The following PTPN14 variants were observed in gnomAD, a reference collection of about 807,000 sequenced individuals.
PTPN14 encodes protein tyrosine phosphatase non-receptor type 14.
Under a neutral mutation model 126.8 loss-of-function variants are expected in PTPN14, and 53 were observed. The observed-to-expected ratio is 0.42, with a 90% confidence interval of 0.34 to 0.53. The LOEUF is 0.53. Among genes scored for constraint, PTPN14 ranks in the 20% least tolerant of loss-of-function variants. PTPN14 has a pLI of 0.08. For missense variants in PTPN14, 1,257 were observed against 1,552.9 expected (o/e 0.81, Z 3.20); for synonymous variants, 630 against 599.3 (o/e 1.05, Z -0.75).
intron 4 of PTPN14, among the ~76,000 whole-genome samples, 169 bp from the exon 5 acceptor site, chr1:214,411,920 A>T (rs1168229791): frequency 6.6e-6 from 1 of 152,244 alleles, no homozygotes; most frequent in Non-Finnish European, 1.5e-5. Context: ...TTTATCTAAC[A>T]ATATGGTAAA....
At chr1:214,415,890 A>G (rs1265477375) in intron 3 of PTPN14, among the ~76,000 whole-genome samples, 1 of 152,236 alleles carries the variant, frequency 6.6e-6, no homozygotes, top group Non-Finnish European at 1.5e-5. Flanking sequence ...AATCCTTTTT[A>G]GTCAAACCTA....
chr1:214,515,334 A>G (rs532980337), intron 1 of PTPN14, among the ~76,000 whole-genome samples: 39 of 152,222 alleles, frequency 2.6e-4, no homozygotes, highest in African/African-American at 8.2e-4. Context: ...TAATATGTCT[A>G]TCTTCCTGCC....
At chr1:214,403,070 C>T in intron 5 of PTPN14, 117 bp from the exon 6 acceptor site, 1 of 934,698 alleles carries the variant, frequency 1.1e-6, no homozygotes, top group Non-Finnish European at 1.7e-6. Context: ...TCCTCAATAT[C>T]TCCTTTACTG....
At chr1:214,427,446 C>A (rs1444535335) in intron 3 of PTPN14, among the ~76,000 whole-genome samples, 1 of 152,052 alleles carries the variant, frequency 6.6e-6, no homozygotes, top group Admixed American at 6.6e-5. Context: ...ATAGTACTTT[C>A]ATTTAAAAAG....
chr1:214,380,661 T>C (rs1185769700), intron 13 of PTPN14, among the ~76,000 whole-genome samples: 1 of 152,236 alleles, frequency 6.6e-6, no homozygotes, highest in Non-Finnish European at 1.5e-5. Context: ...TTTCTTTTGC[T>C]AAAAGTTTCT....
intron 1 of PTPN14, among the ~76,000 whole-genome samples, chr1:214,512,251 T>C (rs1473531499): frequency 6.6e-6 from 1 of 152,182 alleles, no homozygotes; most frequent in Admixed American, 6.6e-5. Context: ...CAGTCTTAGC[T>C]GCTCACCCTG....
chr1:214,349,651 C>G lies in PTPN14; in HGVS notation c.*8271G>C, dbSNP rs899101005. 2 of 152,052 alleles carry G rather than the reference C, an allele frequency of 1.3e-5. No individual in the cohort carries two copies. Among genetic ancestry groups the G allele is most frequent in the Non-Finnish European group, 2.9e-5 (2 of 68,034 alleles). The allele number at this position is 152,052 out of a possible 1,614,324, so 9.4% of individuals were successfully genotyped here. A position where few individuals can be genotyped will look rare whatever the true frequency, so the allele number is the denominator to read the frequency against. On this transcript the variant is annotated 3_prime_UTR_variant, in exon 19 of 19. Coordinates refer to ENST00000366956, the MANE Select transcript of PTPN14 (RefSeq NM_005401.5). ...AAACCTTTTTTTCCACTGAAGTATC[C>G]TCAAGCACATTAATTAGCTATTGAA...
At chr1:214,449,080 C>T (rs1339400260) in intron 3 of PTPN14, among the ~76,000 whole-genome samples, 2 of 135,084 alleles carry the variant, frequency 1.5e-5, no homozygotes, top group African/African-American at 5.7e-5. Flanking sequence ...TATCCCGGCT[C>T]ACTGCAAGCT....
intron 1 of PTPN14, among the ~76,000 whole-genome samples, chr1:214,467,027 C>T (rs1197545018): frequency 1.3e-5 from 2 of 152,078 alleles, no homozygotes; most frequent in African/African-American, 2.4e-5. Flanking sequence ...TTTATGACGG[C>T]TTAAAATACA....
chr1:214,521,198 C>T (rs997404141), intron 1 of PTPN14, among the ~76,000 whole-genome samples: 3 of 152,158 alleles, frequency 2.0e-5, no homozygotes, highest in Non-Finnish European at 4.4e-5. Context: ...GCATGTTAAT[C>T]GCTTTATAAA....
At chr1:214,540,608 C>T (rs1340878599) in intron 1 of PTPN14, among the ~76,000 whole-genome samples, 2 of 152,118 alleles carry the variant, frequency 1.3e-5, no homozygotes, top group African/African-American at 4.8e-5. Context: ...ACAAGTGGTA[C>T]CACTTCACAG....
chr1:214,392,424 A>T (rs1295537761), intron 10 of PTPN14, among the ~76,000 whole-genome samples: 1 of 152,220 alleles, frequency 6.6e-6, no homozygotes, highest in African/African-American at 2.4e-5. Context: ...TAAATTTTAT[A>T]GTAAAACCAT....
At chr1:214,466,627 A>G (rs1183234761) in intron 1 of PTPN14, among the ~76,000 whole-genome samples, 1 of 152,166 alleles carries the variant, frequency 6.6e-6, no homozygotes, top group African/African-American at 2.4e-5. Context: ...GAAGCCAGAA[A>G]TGTCCAGAAA....
intron 1 of PTPN14, among the ~76,000 whole-genome samples, chr1:214,526,116 C>T (rs1655389369): frequency 6.6e-6 from 1 of 152,050 alleles, no homozygotes. Flanking sequence ...CAGGCGCACA[C>T]CACCACGCCC....
At chr1:214,458,975 A>T (rs1363500660) in intron 2 of PTPN14, among the ~76,000 whole-genome samples, 3 of 46,378 alleles carry the variant, frequency 6.5e-5, no homozygotes, top group Admixed American at 2.3e-4. Context: ...ATATCTCTGG[A>T]ATTGTCTTTG....
chr1:214,532,378 G>T (rs904395907), intron 1 of PTPN14: 9 of 623,844 alleles, frequency 1.4e-5, no homozygotes, highest in Admixed American at 6.9e-5. Flanking sequence ...CTGGCCGCAG[G>T]GATGGCTGGG....
intron 3 of PTPN14, among the ~76,000 whole-genome samples, chr1:214,420,395 C>T (rs186681368): frequency 6.6e-6 from 1 of 152,228 alleles, no homozygotes; most frequent in African/African-American, 2.4e-5. Flanking sequence ...CCAGAGACAC[C>T]CAACTTCTTA....
At chr1:214,520,275 G>C (rs565514090) in intron 1 of PTPN14, among the ~76,000 whole-genome samples, 7 of 151,848 alleles carry the variant, frequency 4.6e-5, no homozygotes, top group Middle Eastern at 3.4e-3. Context: ...CTTTTCTTTT[G>C]ATTCTCTACA....
At chr1:214,528,076 T>C (rs950976274) in intron 1 of PTPN14, among the ~76,000 whole-genome samples, 19 of 152,352 alleles carry the variant, frequency 1.2e-4, no homozygotes, top group South Asian at 6.2e-4. Context: ...TTAATATTCA[T>C]GTATAAAACA....
Sources: allele counts gnomAD v4.1 joint callset (sites outside exome capture counted in the v4.1 genomes callset), GRCh38; gene constraint gnomAD v4.1.1; transcripts MANE v1.5; gene names NCBI Gene and HGNC (gene_info 2026-07-23, HGNC 2026-07-21).